OCA2: variants seen among roughly 807,000 people sequenced by gnomAD.
OCA2 encodes the protein OCA2 melanosomal transmembrane protein.
In OCA2, 77 loss-of-function variants were observed where a neutral mutation model predicts 100.2. The ratio of observed to expected loss-of-function variants is 0.77; its 90% CI spans 0.64 to 0.93. The LOEUF (loss-of-function observed/expected upper bound fraction) is 0.93. Ranked by LOEUF, OCA2 falls within the 40% of genes least tolerant of loss-of-function variation. The probability of loss-of-function intolerance (pLI) is 0.00; values close to 1 mark genes in which losing one functional copy is unlikely to be tolerated. For missense variants in OCA2, 1,062 were observed against 1,089.1 expected, an observed-to-expected ratio of 0.98 and a Z score of 0.35; for synonymous variants, 432 against 439.2, an observed-to-expected ratio of 0.98 and a Z score of 0.21.
chr15:27,813,674 G>A (rs781748925), intron 23 of OCA2, among the ~76,000 whole-genome samples: 10 of 152,186 alleles, frequency 6.6e-5, no homozygotes, highest in East Asian at 1.9e-4. Context: ...TTACAGTGGC[G>A]CCTAGTGGGA....
chr15:27,844,104 G>C (rs2035443634), intron 23 of OCA2, among the ~76,000 whole-genome samples: 1 of 152,198 alleles, frequency 6.6e-6, no homozygotes, highest in Non-Finnish European at 1.5e-5. Context: ...GCAATGTGCA[G>C]TGTGCTACTC....
At chr15:28,024,942 A>G (rs1412716932) in intron 4 of OCA2, 40 bp from the exon 5 acceptor site, 7 of 1,601,952 alleles carry the variant, frequency 4.4e-6, no homozygotes, top group Non-Finnish European at 6.0e-6. Context: ...CAAGGGCAGC[A>G]GTCCTGTTGC....
the OCA2 span, among the ~76,000 whole-genome samples, chr15:27,742,027 A>G: frequency 6.6e-6 from 1 of 152,224 alleles, no homozygotes; most frequent in South Asian, 2.1e-4. Flanking sequence ...GCTGAAAATA[A>G]TGGTTTTAGG....
intron 5 of OCA2, among the ~76,000 whole-genome samples, chr15:28,023,911 C>T (rs111918448): frequency 0.012 from 1,847 of 152,250 alleles, 40 homozygotes; most frequent in African/African-American, 0.042. Context: ...CATACACCCA[C>T]GTGCAGACAC....
intron 23 of OCA2, among the ~76,000 whole-genome samples, chr15:27,774,986 A>ACAGCAAT (rs1485105844): frequency 6.8e-6 from 1 of 147,476 alleles, no homozygotes; most frequent in Non-Finnish European, 1.5e-5. Flanking sequence ...GCAGACGATG[A>ACAGCAAT]CAGCAATCCA....
At chr15:28,077,848 G>C (rs750287675) in intron 2 of OCA2, among the ~76,000 whole-genome samples, 4 of 152,160 alleles carry the variant, frequency 2.6e-5, no homozygotes, top group African/African-American at 7.2e-5. Flanking sequence ...TTCGGAGACC[G>C]AGGCAGGTGG....
At chr15:27,722,663 T>C in the OCA2 span, among the ~76,000 whole-genome samples, 2 of 84,038 alleles carry the variant, frequency 2.4e-5, no homozygotes, top group Non-Finnish European at 5.0e-5. Context: ...TCTCTCTTTC[T>C]TTCCTTTCTT....
At chr15:27,826,549 C>T (rs562740077) in intron 23 of OCA2, among the ~76,000 whole-genome samples, 2 of 152,286 alleles carry the variant, frequency 1.3e-5, no homozygotes, top group East Asian at 3.9e-4. Context: ...GCACTGCTGA[C>T]CTATCCTTTC....
rs2034803421 is a variant in OCA2 at position 27,828,076 on chromosome 15, G to C, written c.2432+16883C>G. Among the ~76,000 whole-genome samples, 3 of 152,082 alleles carry C rather than the reference G, an allele frequency of 2.0e-5. No homozygotes were observed. The South Asian group carries it at 6.2e-4, about 32-fold the overall frequency. On this transcript the variant is annotated intron_variant, in intron 23 of 23. Coordinates refer to ENST00000354638, the MANE Select transcript of OCA2 (RefSeq NM_000275.3). ...GAATGGCAGAGTAGAAAATTAACTT[G>C]AGTACAGGTGAAGTGAGGTTGGAGC... is the stretch of plus-strand genomic sequence containing the variant.
At chr15:27,833,972 C>G (rs767286052) in intron 23 of OCA2, among the ~76,000 whole-genome samples, 1 of 152,150 alleles carries the variant, frequency 6.6e-6, no homozygotes, top group Admixed American at 6.5e-5. Flanking sequence ...GTCCCCATTC[C>G]TAGCACAGAG....
At chr15:28,077,290 C>T (rs1001968714) in intron 2 of OCA2, among the ~76,000 whole-genome samples, 5 of 152,224 alleles carry the variant, frequency 3.3e-5, no homozygotes, top group East Asian at 1.9e-4. Flanking sequence ...AACTCCTGAC[C>T]TCAGGTGATC....
At chr15:28,057,354 C>T (rs1242421750) in intron 2 of OCA2, among the ~76,000 whole-genome samples, 1 of 152,196 alleles carries the variant, frequency 6.6e-6, no homozygotes, top group Non-Finnish European at 1.5e-5. Context: ...AACTCCAAGA[C>T]ATTGCCCTGT....
At chr15:27,746,290 T>C in the OCA2 span, among the ~76,000 whole-genome samples, 1 of 152,040 alleles carries the variant, frequency 6.6e-6, no homozygotes, top group African/African-American at 2.4e-5. Flanking sequence ...ACCCCATCTC[T>C]ACTAAAAATA....
intron 9 of OCA2, among the ~76,000 whole-genome samples, chr15:28,002,614 C>T (rs940626588): frequency 1.3e-5 from 2 of 152,118 alleles, no homozygotes; most frequent in African/African-American, 4.8e-5. Flanking sequence ...TCCAGGAGAG[C>T]CGGGTTCCTG....
At chr15:27,951,704 T>C in intron 18 of OCA2, 80 bp downstream of exon 18, 1 of 1,058,328 alleles carries the variant, frequency 9.4e-7, no homozygotes, top group Non-Finnish European at 1.5e-6. Flanking sequence ...GTGGGCAAAG[T>C]CAGTGTCTGG....
chr15:27,992,943 C>G (rs763193561), intron 9 of OCA2, among the ~76,000 whole-genome samples: 7 of 152,134 alleles, frequency 4.6e-5, no homozygotes, highest in Non-Finnish European at 8.8e-5. Context: ...GCCAGCATCA[C>G]AAGACCTCAT....
intron 14 of OCA2, among the ~76,000 whole-genome samples, chr15:27,975,078 C>T (rs971241926): frequency 2.6e-5 from 4 of 152,212 alleles, no homozygotes; most frequent in African/African-American, 9.6e-5. Flanking sequence ...TTGGTAGAAA[C>T]ACAGCCAGTG....
intron 1 of OCA2, among the ~76,000 whole-genome samples, chr15:28,082,110 A>G (rs2044654826): frequency 6.6e-6 from 1 of 152,178 alleles, no homozygotes; most frequent in Non-Finnish European, 1.5e-5. Flanking sequence ...CTGTCTAGCT[A>G]AAGGATTGTA....
intron 15 of OCA2, among the ~76,000 whole-genome samples, chr15:27,958,286 A>G (rs2040298337): frequency 6.6e-6 from 1 of 152,212 alleles, no homozygotes; most frequent in South Asian, 2.1e-4. Context: ...CAACACATCA[A>G]AGCTAGCACC....
Sources: gnomAD v4.1 joint callset for allele counts (sites outside exome capture counted in the v4.1 genomes callset) on GRCh38, gnomAD v4.1.1 for gene constraint, MANE v1.5 for transcripts, NCBI Gene and HGNC (gene_info 2026-07-23, HGNC 2026-07-21) for gene names.